The following FSTL5 variants were observed in gnomAD, a reference collection of about 807,000 sequenced individuals.
FSTL5 encodes follistatin like 5, also known as follistatin-related protein 5.
Under a neutral mutation model 89.1 loss-of-function variants are expected in FSTL5, and 62 were observed. The ratio of observed to expected loss-of-function variants is 0.70; its 90% CI spans 0.57 to 0.86. The LOEUF (loss-of-function observed/expected upper bound fraction) is 0.86, where lower values mean the gene tolerates loss of function less well. FSTL5 is among the 40% of genes least tolerant of loss of function. FSTL5 has a pLI of 0.00. For missense variants in FSTL5, 1,057 were observed against 1,001.6 expected (o/e 1.06, Z -0.75); for synonymous variants, 383 against 346.2 (o/e 1.11, Z -1.18).
intron 15 of FSTL5, among the ~76,000 whole-genome samples, chr4:161,393,253 T>G (rs1442989107): frequency 1.3e-5 from 2 of 151,708 alleles, no homozygotes; most frequent in African/African-American, 4.8e-5. Context: ...AAGAGAGAGA[T>G]AGTAACTGAA....
intron 3 of FSTL5, among the ~76,000 whole-genome samples, chr4:162,025,984 A>C (rs990101027): frequency 6.6e-6 from 1 of 151,980 alleles, no homozygotes; most frequent in African/African-American, 2.4e-5. Flanking sequence ...ATTCTAAAAA[A>C]TCCAAGCAAA....
At chr4:161,617,436 G>T (rs1734940300) in intron 7 of FSTL5, among the ~76,000 whole-genome samples, 1 of 152,030 alleles carries the variant, frequency 6.6e-6, no homozygotes, top group African/African-American at 2.4e-5. Flanking sequence ...AATACCAAAG[G>T]AGACAAAGAT....
intron 2 of FSTL5, among the ~76,000 whole-genome samples, chr4:162,098,291 C>A (rs191513961): frequency 6.7e-4 from 101 of 151,868 alleles, no homozygotes; most frequent in African/African-American, 2.3e-3. Context: ...TAAAAAAAAT[C>A]AGAACATTGG....
chr4:162,038,035 G>T (rs1007571359), intron 2 of FSTL5, among the ~76,000 whole-genome samples: 2 of 151,860 alleles, frequency 1.3e-5, no homozygotes, highest in Non-Finnish European at 2.9e-5. Context: ...AACTTTTGTT[G>T]TTCTGTCCAC....
At chr4:161,892,111 A>C (rs2110757069) in intron 4 of FSTL5, among the ~76,000 whole-genome samples, 1 of 152,100 alleles carries the variant, frequency 6.6e-6, no homozygotes, top group South Asian at 2.1e-4. Context: ...CTTATTTCAA[A>C]CATCTTATAA....
intron 3 of FSTL5, among the ~76,000 whole-genome samples, chr4:162,024,383 C>A (rs1737202638): frequency 6.6e-6 from 1 of 150,944 alleles, no homozygotes; most frequent in Admixed American, 6.7e-5. Context: ...GATATTTTGT[C>A]TTTACTTTTT....
chr4:162,149,251 G>A (rs1415552582), intron 1 of FSTL5, among the ~76,000 whole-genome samples: 1 of 152,054 alleles, frequency 6.6e-6, no homozygotes, highest in Non-Finnish European at 1.5e-5. Flanking sequence ...GCTCACGCCT[G>A]TAATCCCAGC....
At chr4:161,837,566 C>G (rs1731086332) in intron 4 of FSTL5, among the ~76,000 whole-genome samples, 1 of 151,728 alleles carries the variant, frequency 6.6e-6, no homozygotes, top group Non-Finnish European at 1.5e-5. Flanking sequence ...TTAAACAAGG[C>G]CTTTCAACTA....
intron 7 of FSTL5, among the ~76,000 whole-genome samples, chr4:161,647,958 C>G (rs1440000522): frequency 1.3e-5 from 2 of 152,134 alleles, no homozygotes; most frequent in East Asian, 3.9e-4. Flanking sequence ...CTAGCAGCCA[C>G]CGACTGGCAG....
At chr4:161,527,973 T>C (rs2126525992) in intron 10 of FSTL5, among the ~76,000 whole-genome samples, 1 of 150,088 alleles carries the variant, frequency 6.7e-6, no homozygotes, top group South Asian at 2.1e-4. Flanking sequence ...CCATAAAAAA[T>C]GATGAGTTCA....
intron 13 of FSTL5, among the ~76,000 whole-genome samples, chr4:161,466,546 ATAATACTT>A (rs1229512116): frequency 2.0e-5 from 3 of 152,160 alleles, no homozygotes; most frequent in African/African-American, 7.2e-5. Flanking sequence ...GAGACTGCTG[ATAATACTT>A]AAGAGTACTC....
At position 161,424,180 on chromosome 4, in the gene FSTL5, T is replaced by C. The variant is rs545244049; in HGVS notation, c.1841+30824A>G. 5.3e-5 allele frequency among the ~76,000 whole-genome samples: 8 copies of C among 151,748 alleles called. 1 individual carries two copies. The East Asian group carries it at 1.4e-3, about 26-fold the overall frequency. On this transcript the variant is annotated intron_variant, in intron 15 of 15. Transcript: ENST00000306100. ...GCCTGAGCCACCACGCCCAGCCCTTTCCTAGTATTTTATATTGCTTATCAT... is the reference window on the plus strand; with the variant it reads ...GCCTGAGCCACCACGCCCAGCCCTTCCCTAGTATTTTATATTGCTTATCAT...
chr4:161,899,625 A>C (rs1290765279), intron 4 of FSTL5, among the ~76,000 whole-genome samples: 1 of 152,136 alleles, frequency 6.6e-6, no homozygotes, highest in Admixed American at 6.6e-5. Flanking sequence ...TTATTCTAGG[A>C]TTTGAAAATA....
chr4:161,681,873 A>G (rs527613399), intron 6 of FSTL5, among the ~76,000 whole-genome samples: 38 of 152,314 alleles, frequency 2.5e-4, no homozygotes, highest in African/African-American at 9.1e-4. Context: ...ACTTAATGAC[A>G]GCGATACTTT....
intron 10 of FSTL5, among the ~76,000 whole-genome samples, chr4:161,537,291 T>C (rs1478409612): frequency 6.6e-6 from 1 of 152,112 alleles, no homozygotes; most frequent in Admixed American, 6.6e-5. Flanking sequence ...TTGCAAAACA[T>C]ATATTAATAA....
chr4:162,056,506 T>C (rs576824389), intron 2 of FSTL5, among the ~76,000 whole-genome samples: 26 of 152,114 alleles, frequency 1.7e-4, no homozygotes, highest in Non-Finnish European at 3.2e-4. Flanking sequence ...TTCTGTCCTT[T>C]ATATGATGTA....
In FSTL5 at chr4:161,737,764, G is replaced by C. The variant is rs115645628; in HGVS notation, c.727+21647C>G. ...CTTATGTTGTATAACTTCCACTGTTGACCCCCATTTATTGTGTAGATTTTA... is the reference window on the plus strand; with the variant it reads ...CTTATGTTGTATAACTTCCACTGTTCACCCCCATTTATTGTGTAGATTTTA... On this transcript the variant is annotated intron_variant, in intron 6 of 15. Transcript: ENST00000306100. Among the ~76,000 whole-genome samples, 699 of 151,616 alleles carry C rather than the reference G, an allele frequency of 4.6e-3. 4 individuals carry two copies. The highest frequency in any genetic ancestry group is 0.016 in the African/African-American group (675 of 41,368).
At chr4:161,735,880 T>C (rs1739793333) in intron 6 of FSTL5, among the ~76,000 whole-genome samples, 1 of 152,064 alleles carries the variant, frequency 6.6e-6, no homozygotes, top group Admixed American at 6.6e-5. Flanking sequence ...ATTTTTTTCC[T>C]TAAAACTATT....
At chr4:161,395,182 T>C (rs1166366245) in intron 15 of FSTL5, among the ~76,000 whole-genome samples, 1 of 152,098 alleles carries the variant, frequency 6.6e-6, no homozygotes, top group East Asian at 1.9e-4. Context: ...GATGAAGATA[T>C]TTAGCAGATT....
Sources: allele counts gnomAD v4.1 joint callset (sites outside exome capture counted in the v4.1 genomes callset), GRCh38; gene constraint gnomAD v4.1.1; transcripts MANE v1.5; gene names NCBI Gene and HGNC (gene_info 2026-07-23, HGNC 2026-07-21).